MOGAT1: variants seen among roughly 807,000 people sequenced by gnomAD.
MOGAT1 encodes the protein monoacylglycerol O-acyltransferase 1, also known as 2-acylglycerol O-acyltransferase 1.
In MOGAT1, 32 loss-of-function variants were observed where a neutral mutation model predicts 31.4. The observed-to-expected ratio is 1.02, with a 90% CI of 0.77 to 1.37. The LOEUF is 1.37. MOGAT1 is among the 40% of genes most tolerant of loss of function. MOGAT1 has a pLI of 0.00. For synonymous variants in MOGAT1, 145 were observed against 144.5 expected (o/e 1.00, Z -0.03); for missense variants, 426 against 402.0 (o/e 1.06, Z -0.51).
intron 3 of MOGAT1, among the ~76,000 whole-genome samples, chr2:222,693,072 C>T (rs1371335758): frequency 6.6e-6 from 1 of 152,168 alleles, no homozygotes; most frequent in Non-Finnish European, 1.5e-5. Context: ...GTAAAATTAG[C>T]ATATCATTTT....
At chr2:222,680,922 T>A (rs1253583633) in intron 1 of MOGAT1, among the ~76,000 whole-genome samples, 1 of 152,136 alleles carries the variant, frequency 6.6e-6, no homozygotes, top group African/African-American at 2.4e-5. Flanking sequence ...AGGTTGCTCA[T>A]GGAGATTTTA....
At chr2:222,692,235 TG>T (rs1692773674) in intron 3 of MOGAT1, among the ~76,000 whole-genome samples, 1 of 152,158 alleles carries the variant, frequency 6.6e-6, no homozygotes. Flanking sequence ...ACAGTGGCAA[TG>T]GCACTGGAGA....
intron 5 of MOGAT1, among the ~76,000 whole-genome samples, chr2:222,700,293 C>G (rs1692900757): frequency 6.6e-6 from 1 of 152,146 alleles, no homozygotes; most frequent in Admixed American, 6.5e-5. Context: ...CCCAGTTATA[C>G]CTCTACTGAC....
intron 3 of MOGAT1, among the ~76,000 whole-genome samples, chr2:222,690,492 G>A (rs1194474154): frequency 6.6e-6 from 1 of 152,022 alleles, no homozygotes; most frequent in Non-Finnish European, 1.5e-5. Context: ...AGGAGGTGGA[G>A]GTTGCAGTGA....
chr2:222,684,416 AG>A (rs1235606150), intron 1 of MOGAT1, among the ~76,000 whole-genome samples: 6 of 152,264 alleles, frequency 3.9e-5, no homozygotes, highest in South Asian at 2.1e-4. Flanking sequence ...AAAAAAAAAA[AG>A]AAAGAAAGGA....
chr2:222,681,200 T>C (rs1692575624), intron 1 of MOGAT1, among the ~76,000 whole-genome samples: 1 of 152,206 alleles, frequency 6.6e-6, no homozygotes, highest in African/African-American at 2.4e-5. Flanking sequence ...TCTGATGCTG[T>C]CTACCTGGAG....
intron 1 of MOGAT1, among the ~76,000 whole-genome samples, chr2:222,684,984 G>C (rs1452171936): frequency 2.0e-5 from 3 of 152,136 alleles, no homozygotes; most frequent in African/African-American, 7.2e-5. Flanking sequence ...TTAAAATGAA[G>C]AGAATGGTTG....
rs1692809397 is a variant in MOGAT1 at position 222,694,354 on chromosome 2, T to C, written c.479-8T>C. 6.3e-7 allele frequency: 1 copy of C among 1,590,970 alleles called. No homozygotes were observed. The highest frequency in any genetic ancestry group is 8.5e-7 in the Non-Finnish European group (1 of 1,169,810). On this transcript the variant is annotated splice_polypyrimidine_tract_variant and splice_region_variant and intron_variant, in intron 3 of 5. Coordinates refer to ENST00000446656, the MANE Select transcript of MOGAT1 (RefSeq NM_058165.3). ...GATAACTAGTTACTTTTTGTTTTATTCACTAAGGGCTGGTTTCAGTTTCCA... is the reference window on the plus strand; with the variant it reads ...GATAACTAGTTACTTTTTGTTTTATCCACTAAGGGCTGGTTTCAGTTTCCA...
intron 3 of MOGAT1, among the ~76,000 whole-genome samples, chr2:222,693,578 T>G (rs907497720): frequency 4.0e-5 from 6 of 151,476 alleles, no homozygotes; most frequent in African/African-American, 1.5e-4. Flanking sequence ...GGAGGCCTCA[T>G]AATCATGGTG....
chr2:222,686,318 G>A (rs1005977321), intron 1 of MOGAT1, among the ~76,000 whole-genome samples: 11 of 152,150 alleles, frequency 7.2e-5, no homozygotes, highest in East Asian at 3.8e-4. Context: ...GGGCAATAAC[G>A]TGTACCTTGG....
chr2:222,691,802 T>C (rs1277144357), intron 3 of MOGAT1, among the ~76,000 whole-genome samples: 2 of 152,184 alleles, frequency 1.3e-5, no homozygotes, highest in Non-Finnish European at 2.9e-5. Flanking sequence ...AGGGCCTTTG[T>C]TGACAGCAGT....
chr2:222,698,492 T>A (rs539535218), intron 5 of MOGAT1: 1 of 152,106 alleles, frequency 6.6e-6, no homozygotes, highest in African/African-American at 2.4e-5. Context: ...ACAGGAAACA[T>A]GAGATTCCAT....
intron 5 of MOGAT1, among the ~76,000 whole-genome samples, chr2:222,698,111 G>T (rs200677478): frequency 3.3e-5 from 5 of 151,958 alleles, no homozygotes; most frequent in Admixed American, 6.5e-5. Flanking sequence ...AGCAGATGGG[G>T]TTTTAGTGAG....
chr2:222,671,888 C>T lies in MOGAT1; in HGVS notation c.94+9C>T. The T allele has an allele frequency of 6.5e-7, 1 of 1,549,136 alleles. No homozygotes were observed. Among genetic ancestry groups the T allele is most frequent in the Non-Finnish European group, 8.7e-7 (1 of 1,145,208 alleles). On this transcript the variant is annotated intron_variant, in intron 1 of 5. Coordinates refer to ENST00000446656, the MANE Select transcript of MOGAT1 (RefSeq NM_058165.3). ...GAAATACCTGCTGCTCGGTAAGGAC[C>T]CCGCCCCCCGGGCCGCGGGGCTTGG...
intron 3 of MOGAT1, 62 bp downstream of exon 3, chr2:222,689,531 TC>T (rs1692727440): frequency 1.4e-6 from 2 of 1,459,434 alleles, no homozygotes; most frequent in African/African-American, 1.4e-5. Context: ...CACAGAACAT[TC>T]CCTCCCAGGC....
rs760121013 is a variant in MOGAT1 at position 222,701,322 on chromosome 2, GAGAGAGAT to G, written c.853+6036_853+6043del. ...GAGGAGAGAGAGAGAGAGAGAGAGAGAGAGAGATAAAAGGAATTAAAGAGGGAAAGAAA... is the reference window on the plus strand; with the variant it reads ...GAGGAGAGAGAGAGAGAGAGAGAGAGAAAAGGAATTAAAGAGGGAAAGAAA... On this transcript the variant is annotated intron_variant, in intron 5 of 5. Coordinates refer to ENST00000446656, the MANE Select transcript of MOGAT1 (RefSeq NM_058165.3). Among the ~76,000 whole-genome samples, 571 of 147,684 alleles carry G rather than the reference GAGAGAGAT, an allele frequency of 3.9e-3. 6 individuals carry two copies. The highest frequency in any genetic ancestry group is 6.9e-3 in the Non-Finnish European group (462 of 67,106).
intron 5 of MOGAT1, among the ~76,000 whole-genome samples, chr2:222,701,531 AAGAG>A (rs1485434956): frequency 1.9e-5 from 2 of 105,514 alleles, no homozygotes; most frequent in African/African-American, 9.5e-5. Context: ...AAAAGAAAGA[AAGAG>A]AAAGAAAAAA....
intron 1 of MOGAT1, among the ~76,000 whole-genome samples, chr2:222,678,985 T>A (rs75961636): frequency 0.01 from 1,529 of 152,212 alleles, 41 homozygotes; most frequent in African/African-American, 0.035. Context: ...GTCACAAAAA[T>A]TTTCTTCTAT....
chr2:222,686,513 C>T (rs758364702), intron 1 of MOGAT1, among the ~76,000 whole-genome samples: 3 of 152,164 alleles, frequency 2.0e-5, no homozygotes, highest in Admixed American at 6.5e-5. Context: ...AAACAGAAAA[C>T]TAACCAATAG....
Sources: gnomAD v4.1 joint callset for allele counts (sites outside exome capture counted in the v4.1 genomes callset) on GRCh38, gnomAD v4.1.1 for gene constraint, MANE v1.5 for transcripts, NCBI Gene and HGNC (gene_info 2026-07-23, HGNC 2026-07-21) for gene names.